The following AK5 variants were observed in gnomAD, a reference collection of about 807,000 sequenced individuals.
AK5 encodes adenylate kinase 5.
In AK5, 27 loss-of-function variants were observed where a neutral mutation model predicts 69.5. That is an observed-to-expected ratio of 0.39 (90% CI 0.29 to 0.54). The LOEUF is 0.54. AK5 is among the 20% of genes least tolerant of loss of function. AK5 has a pLI of 0.71. For missense variants in AK5, 531 were observed against 700.4 expected (o/e 0.76, Z 2.73); for synonymous variants, 260 against 244.4 (o/e 1.06, Z -0.60).
chr1:77,397,156 AG>A (rs1162242901), intron 6 of AK5, among the ~76,000 whole-genome samples: 1 of 152,204 alleles, frequency 6.6e-6, no homozygotes, highest in African/African-American at 2.4e-5. Flanking sequence ...TCTTCAAAGA[AG>A]TTACATCTTT....
At chr1:77,365,143 A>G (rs1324064270) in intron 6 of AK5, among the ~76,000 whole-genome samples, 1 of 151,854 alleles carries the variant, frequency 6.6e-6, no homozygotes, top group Non-Finnish European at 1.5e-5. Context: ...TTTTTCATAT[A>G]TTTGTTGGCC....
chr1:77,546,584 T>C (rs1272512518), intron 13 of AK5, among the ~76,000 whole-genome samples: 1 of 151,994 alleles, frequency 6.6e-6, no homozygotes, highest in Non-Finnish European at 1.5e-5. Flanking sequence ...GTGGTGTGCG[T>C]CTGTAATCCC....
In AK5 at chr1:77,318,826, C is replaced by T. The variant is rs1660376491; in HGVS notation, c.699+20879C>T. ...TCCACTTCTTCAGCAAATTATGTTACAATTTACAATATTTATATGATCCTT... is the reference window on the plus strand; with the variant it reads ...TCCACTTCTTCAGCAAATTATGTTATAATTTACAATATTTATATGATCCTT... On this transcript the variant is annotated intron_variant, in intron 5 of 13. Coordinates refer to ENST00000354567, the MANE Select transcript of AK5 (RefSeq NM_174858.3). Among the ~76,000 whole-genome samples, 5 of 151,870 alleles carry T rather than the reference C, an allele frequency of 3.3e-5. No individual in the cohort carries two copies. The South Asian group carries it at 1.0e-3, about 32-fold the overall frequency.
chr1:77,554,770 T>G, intron 13 of AK5, among the ~76,000 whole-genome samples: 1 of 87,030 alleles, frequency 1.1e-5, no homozygotes, highest in East Asian at 4.1e-4. Context: ...CATGCCCGGC[T>G]ATTTTTTTTT....
intron 5 of AK5, among the ~76,000 whole-genome samples, chr1:77,304,280 T>C (rs1296008036): frequency 6.6e-6 from 1 of 152,234 alleles, no homozygotes; most frequent in Non-Finnish European, 1.5e-5. Context: ...GATGTTTGTC[T>C]TTCTATGCCT....
At chr1:77,435,928 A>C (rs1651930945) in intron 8 of AK5, among the ~76,000 whole-genome samples, 2 of 152,186 alleles carry the variant, frequency 1.3e-5, no homozygotes, top group South Asian at 2.1e-4. Context: ...CTTTTATAAA[A>C]TTCATCCCTC....
At chr1:77,539,185 A>T (rs1196247548) in intron 13 of AK5, among the ~76,000 whole-genome samples, 1 of 152,214 alleles carries the variant, frequency 6.6e-6, no homozygotes, top group Non-Finnish European at 1.5e-5. Flanking sequence ...TTTAGCACGG[A>T]TGACTCCACG....
chr1:77,286,832 G>A (rs924964147), intron 1 of AK5, 109 bp from the exon 2 acceptor site: 37 of 674,170 alleles, frequency 5.5e-5, no homozygotes, highest in Non-Finnish European at 7.4e-5. Context: ...GGGCAGCAGA[G>A]TGAGACTCTA....
At chr1:77,309,561 G>A (rs565942753) in intron 5 of AK5, among the ~76,000 whole-genome samples, 74 of 152,040 alleles carry the variant, frequency 4.9e-4, no homozygotes, top group Non-Finnish European at 7.4e-4. Context: ...ACGATTTCAT[G>A]TTACACTCTA....
chr1:77,345,615 C>T (rs765737669), intron 6 of AK5, among the ~76,000 whole-genome samples: 14 of 152,212 alleles, frequency 9.2e-5, no homozygotes, highest in Non-Finnish European at 1.3e-4. Flanking sequence ...ACACTCATCA[C>T]AAACCAGCAT....
chr1:77,293,552 T>C (rs1658806386), intron 2 of AK5: 1 of 344,594 alleles, frequency 2.9e-6, no homozygotes, highest in Non-Finnish European at 5.2e-6. Context: ...ATTATGTTGT[T>C]TATGACCACT....
At chr1:77,487,466 G>A (rs1311236968) in intron 10 of AK5, among the ~76,000 whole-genome samples, 1 of 152,122 alleles carries the variant, frequency 6.6e-6, no homozygotes, top group Non-Finnish European at 1.5e-5. Flanking sequence ...ACACCTACCT[G>A]TACATTTTCC....
At chr1:77,368,747 A>C (rs984186885) in intron 6 of AK5, among the ~76,000 whole-genome samples, 4 of 152,110 alleles carry the variant, frequency 2.6e-5, no homozygotes, top group African/African-American at 9.7e-5. Flanking sequence ...CAAGTGTGGA[A>C]TTTTCCACTT....
At position 77,358,016 on chromosome 1, in the gene AK5, T is replaced by TGAGAGA. The variant is rs1251141245; in HGVS notation, c.891+17449_891+17450insAGAGAG. Reference sequence around the variant, plus strand: ...TAGTGTGTGTGTGTGTGTGTGTGTGTGTGAGAGAGAGAGAGAGAGAGAGAC... The same window carrying TGAGAGA: ...TAGTGTGTGTGTGTGTGTGTGTGTGTGAGAGAGTGAGAGAGAGAGAGAGAGAGAGAC... On this transcript the variant is annotated intron_variant, in intron 6 of 13. Coordinates refer to ENST00000354567, the MANE Select transcript of AK5 (RefSeq NM_174858.3). Among the ~76,000 whole-genome samples the TGAGAGA allele has an allele frequency of 4.8e-5, 5 of 103,908 alleles. No individual in the cohort carries two copies. In the East Asian group the frequency reaches 1.1e-3, roughly 22 times the overall value. The allele number at this position is 103,908 out of a possible 152,430, so 68.2% of individuals were successfully genotyped here. A position where few individuals can be genotyped will look rare whatever the true frequency, so the allele number is the denominator to read the frequency against.
intron 6 of AK5, among the ~76,000 whole-genome samples, chr1:77,399,882 T>C (rs895162853): frequency 3.9e-5 from 6 of 152,214 alleles, no homozygotes; most frequent in African/African-American, 1.4e-4. Flanking sequence ...TGCTGGGCAG[T>C]AGCCAGTTTC....
intron 6 of AK5, among the ~76,000 whole-genome samples, chr1:77,346,694 C>CGA (rs781347097): frequency 6.6e-6 from 1 of 152,088 alleles, no homozygotes; most frequent in Non-Finnish European, 1.5e-5. Flanking sequence ...GACAGGGTCT[C>CGA]ACTTTGTCCC....
chr1:77,511,315 A>G (rs571291310), intron 10 of AK5, among the ~76,000 whole-genome samples: 1 of 152,332 alleles, frequency 6.6e-6, no homozygotes, highest in South Asian at 2.1e-4. Context: ...AAAAGAGGGT[A>G]TCAAGTTATC....
At chr1:77,388,505 A>T (rs10518551) in intron 6 of AK5, among the ~76,000 whole-genome samples, 12,936 of 152,244 alleles carry the variant, frequency 0.085, 737 homozygotes, top group South Asian at 0.17. Context: ...CTTTGCCACT[A>T]AATCTTTAAC....
At chr1:77,363,795 G>T (rs1023646728) in intron 6 of AK5, among the ~76,000 whole-genome samples, 2 of 152,114 alleles carry the variant, frequency 1.3e-5, no homozygotes, top group African/African-American at 4.8e-5. Context: ...TTCTCATTGA[G>T]ATCTTCCTTG....
Sources: gnomAD v4.1 joint callset for allele counts (sites outside exome capture counted in the v4.1 genomes callset) on GRCh38, gnomAD v4.1.1 for gene constraint, MANE v1.5 for transcripts, NCBI Gene and HGNC (gene_info 2026-07-23, HGNC 2026-07-21) for gene names.